Variants in PPFIA2 observed in about 807,000 individuals in gnomAD.
The protein encoded by PPFIA2 is PPFI scaffold protein A2.
In PPFIA2, 46 loss-of-function variants were observed where a neutral mutation model predicts 175.5. The observed-to-expected ratio is 0.26, with a 90% CI of 0.21 to 0.34. The LOEUF is 0.34. Ranked by LOEUF, PPFIA2 falls within the 10% of genes least tolerant of loss-of-function variation. The probability of loss-of-function intolerance (pLI) is 1.00; values close to 1 mark genes in which losing one functional copy is unlikely to be tolerated. For synonymous variants in PPFIA2, 568 were observed against 511.4 expected, an observed-to-expected ratio of 1.11 and a Z score of -1.49; for missense variants, 1,179 against 1,506.1, an observed-to-expected ratio of 0.78 and a Z score of 3.60.
intron 3 of PPFIA2, among the ~76,000 whole-genome samples, chr12:81,708,801 T>A (rs1336723711): frequency 6.6e-6 from 1 of 152,200 alleles, no homozygotes; most frequent in Non-Finnish European, 1.5e-5. Context: ...AGATGTCTGC[T>A]AATTTTGAAA....
At chr12:81,657,391 T>C (rs542132293) in intron 4 of PPFIA2, among the ~76,000 whole-genome samples, 5 of 152,318 alleles carry the variant, frequency 3.3e-5, no homozygotes, top group East Asian at 3.9e-4. Flanking sequence ...CTGGGGTCCA[T>C]GGAGAAGCAA....
At chr12:81,347,880 G>T in intron 17 of PPFIA2, 110 bp from the exon 18 acceptor site, 2 of 1,404,562 alleles carry the variant, frequency 1.4e-6, no homozygotes, top group South Asian at 1.5e-5. Flanking sequence ...AACTATTCTT[G>T]AACATTTTAC....
Position 81,435,699 on chromosome 12 carries a change from T to C in PPFIA2, c.645+4273A>G, listed in dbSNP as rs1298743104. 2.0e-5 allele frequency among the ~76,000 whole-genome samples: 3 copies of C among 152,184 alleles called. No homozygotes were observed. The South Asian group carries it at 6.2e-4, about 32-fold the overall frequency. On this transcript the variant is annotated intron_variant, in intron 7 of 32. Transcript: ENST00000549396. ...TAAACTGTATGGTCTTTTCAGATTC[T>C]ACATATGCATATATGCGTATGTATG...
At chr12:81,747,012 A>G (rs1006233453) in intron 3 of PPFIA2, among the ~76,000 whole-genome samples, 3 of 144,090 alleles carry the variant, frequency 2.1e-5, no homozygotes, top group Admixed American at 7.4e-5. Context: ...AATATTGGTG[A>G]CATATATGAG....
At chr12:81,286,394 G>T (rs151180386) in intron 24 of PPFIA2, among the ~76,000 whole-genome samples, 17 of 151,890 alleles carry the variant, frequency 1.1e-4, no homozygotes, top group Non-Finnish European at 2.1e-4. Context: ...CTATTCACGT[G>T]TACCATTTTT....
intron 4 of PPFIA2, among the ~76,000 whole-genome samples, chr12:81,587,385 C>T (rs1363077726): frequency 1.3e-5 from 2 of 151,978 alleles, no homozygotes; most frequent in East Asian, 3.9e-4. Flanking sequence ...CCTTCTTCCC[C>T]TTCCACCATG....
chr12:81,260,898 G>A (rs2136078354), intron 32 of PPFIA2: 1 of 151,912 alleles, frequency 6.6e-6, no homozygotes, highest in South Asian at 2.1e-4. Flanking sequence ...GTTTTAGGTT[G>A]AAAAAAAATT....
chr12:81,689,811 G>GT (rs1315263070), intron 3 of PPFIA2, among the ~76,000 whole-genome samples: 1 of 151,860 alleles, frequency 6.6e-6, no homozygotes, highest in Non-Finnish European at 1.5e-5. Context: ...CCTCCCAAAT[G>GT]TAACTGACAG....
At chr12:81,564,297 T>C (rs2070838077) in intron 4 of PPFIA2, among the ~76,000 whole-genome samples, 1 of 151,718 alleles carries the variant, frequency 6.6e-6, no homozygotes, top group African/African-American at 2.4e-5. Context: ...GAAAGAAACT[T>C]AGAGACTATT....
intron 11 of PPFIA2, 35 bp from the exon 12 acceptor site, chr12:81,369,229 A>T: frequency 6.3e-7 from 1 of 1,593,794 alleles, no homozygotes; most frequent in Admixed American, 1.7e-5. Context: ...CCTGAAATGT[A>T]AGATTTGGTT....
rs535505938 is a variant in PPFIA2 at position 81,745,974 on chromosome 12, T to C, written c.249+7999A>G. Among the ~76,000 whole-genome samples, 34 of 106,924 alleles carry C rather than the reference T, an allele frequency of 3.2e-4. 1 individual carries two copies. Among genetic ancestry groups the C allele is most frequent in the African/African-American group, 8.6e-4 (33 of 38,460 alleles). 70.1% of individuals were successfully genotyped at this position (106,924 alleles called of 152,430 possible). ...GCTTTCCAAAACAAAAGTATTTCTC[T>C]TTTAGCTTTTCCAACTCAATCTTTG... On this transcript the variant is annotated intron_variant, in intron 3 of 32. Transcript: ENST00000549396.
At chr12:81,424,346 C>T (rs941542282) in intron 7 of PPFIA2, among the ~76,000 whole-genome samples, 8 of 152,034 alleles carry the variant, frequency 5.3e-5, no homozygotes, top group African/African-American at 1.9e-4. Context: ...GCTACTTTAG[C>T]TAAAAATTTC....
chr12:81,685,347 C>G (rs1046857243), intron 3 of PPFIA2, among the ~76,000 whole-genome samples: 2 of 151,936 alleles, frequency 1.3e-5, no homozygotes, highest in Non-Finnish European at 2.9e-5. Flanking sequence ...ATAGAATAAG[C>G]AGGAAACATA....
At chr12:81,421,932 T>C (rs1248834320) in intron 7 of PPFIA2, among the ~76,000 whole-genome samples, 1 of 151,572 alleles carries the variant, frequency 6.6e-6, no homozygotes, top group Non-Finnish European at 1.5e-5. Context: ...AGTTATGCCA[T>C]GCAAACGGTA....
intron 3 of PPFIA2, chr12:81,687,613 T>C (rs1369719833): frequency 6.6e-6 from 1 of 151,988 alleles, no homozygotes; most frequent in African/African-American, 2.4e-5. Context: ...CATGCAAAAA[T>C]AGACAGCTTA....
chr12:81,310,016 T>C (rs1379325128), intron 22 of PPFIA2, among the ~76,000 whole-genome samples: 1 of 152,072 alleles, frequency 6.6e-6, no homozygotes, highest in Non-Finnish European at 1.5e-5. Flanking sequence ...CTAATAGTAA[T>C]TGGGGACCTA....
At chr12:81,560,434 T>G (rs2069808165) in intron 4 of PPFIA2, among the ~76,000 whole-genome samples, 2 of 152,162 alleles carry the variant, frequency 1.3e-5, no homozygotes, top group South Asian at 4.1e-4. Context: ...TCTGATTGTT[T>G]TTATAGAAAT....
chr12:81,276,174 G>C (rs1408149044), intron 28 of PPFIA2, among the ~76,000 whole-genome samples: 1 of 152,098 alleles, frequency 6.6e-6, no homozygotes, highest in African/African-American at 2.4e-5. Context: ...CAGAAACAAA[G>C]TCAAATACCT....
intron 2 of PPFIA2, among the ~76,000 whole-genome samples, chr12:81,757,093 C>T (rs1014801378): frequency 1.3e-5 from 2 of 152,066 alleles, no homozygotes; most frequent in Non-Finnish European, 2.9e-5. Context: ...TTTGATTAAT[C>T]CTTAAAATGC....
Sources: gnomAD v4.1 joint callset for allele counts (sites outside exome capture counted in the v4.1 genomes callset) on GRCh38, gnomAD v4.1.1 for gene constraint, MANE v1.5 for transcripts, NCBI Gene and HGNC (gene_info 2026-07-23, HGNC 2026-07-21) for gene names.